ATP7B: variants seen among roughly 807,000 people sequenced by gnomAD.
ATP7B encodes copper-transporting ATPase 2.
In ATP7B, 113 loss-of-function variants were observed where a neutral mutation model predicts 118.9. That is an observed-to-expected ratio of 0.95 (90% confidence interval 0.82 to 1.11). The LOEUF is 1.11. ATP7B is among the 50% of genes most tolerant of loss of function. ATP7B has a pLI of 0.00. For synonymous variants in ATP7B, 777 were observed against 727.4 expected (o/e 1.07, Z -1.10); for missense variants, 1,867 against 1,871.4 (o/e 1.00, Z 0.04).
At chr13:51,952,322 C>T (rs1310193650) in intron 9 of ATP7B, among the ~76,000 whole-genome samples, 2 of 152,216 alleles carry the variant, frequency 1.3e-5, no homozygotes, top group East Asian at 3.8e-4. Context: ...GTAATACTGG[C>T]TCATGAGCTA....
At chr13:52,000,635 T>C (rs1461912336) in intron 1 of ATP7B, among the ~76,000 whole-genome samples, 2 of 152,198 alleles carry the variant, frequency 1.3e-5, no homozygotes, top group Non-Finnish European at 2.9e-5. Flanking sequence ...CATTCTGCCC[T>C]TCCCCTGCTG....
chr13:51,982,498 A>G (rs1952470313), intron 1 of ATP7B, among the ~76,000 whole-genome samples: 1 of 152,222 alleles, frequency 6.6e-6, no homozygotes, highest in Non-Finnish European at 1.5e-5. Context: ...ATGAGTTTTA[A>G]AAAACAAACA....
intron 1 of ATP7B, among the ~76,000 whole-genome samples, chr13:52,000,621 T>G (rs1479114069): frequency 6.6e-6 from 1 of 152,206 alleles, no homozygotes; most frequent in East Asian, 1.9e-4. Context: ...AACAGAGCTC[T>G]CAACATTCTG....
chr13:51,980,893 C>T, intron 1 of ATP7B, among the ~76,000 whole-genome samples: 1 of 152,130 alleles, frequency 6.6e-6, no homozygotes, highest in East Asian at 1.9e-4. Flanking sequence ...TATATCACCT[C>T]CCCCCATACA....
chr13:51,941,264 T>G (rs1481032439), intron 15 of ATP7B, 40 bp from the exon 16 acceptor site: 1 of 1,610,610 alleles, frequency 6.2e-7, no homozygotes. Flanking sequence ...AATGGTCCAA[T>G]TTCACTGTGA....
At chr13:51,951,912 A>G (rs1435252660) in intron 9 of ATP7B, among the ~76,000 whole-genome samples, 1 of 152,224 alleles carries the variant, frequency 6.6e-6, no homozygotes, top group Non-Finnish European at 1.5e-5. Flanking sequence ...AACACAAGCA[A>G]TGTTGGATTG....
At chr13:51,970,831 T>TGAGG in intron 2 of ATP7B, 82 bp from the exon 3 acceptor site, 5 of 1,468,368 alleles carry the variant, frequency 3.4e-6, no homozygotes, top group Non-Finnish European at 3.7e-6. Context: ...GGGCTCTTGG[T>TGAGG]GAGGGTTCAT....
intron 9 of ATP7B, 34 bp from the exon 10 acceptor site, chr13:51,950,433 A>T (rs1957927481): frequency 6.2e-7 from 1 of 1,612,536 alleles, no homozygotes; most frequent in South Asian, 1.1e-5. Flanking sequence ...TCACATGGCC[A>T]CTCATTCGGT....
At chr13:51,997,895 A>G (rs1182457368) in intron 1 of ATP7B, among the ~76,000 whole-genome samples, 1 of 152,136 alleles carries the variant, frequency 6.6e-6, no homozygotes, top group Non-Finnish European at 1.5e-5. Flanking sequence ...GGTGGGAAGA[A>G]GGCAAGTCTG....
intron 5 of ATP7B, among the ~76,000 whole-genome samples, chr13:51,963,835 AG>A (rs1958914881): frequency 6.6e-6 from 1 of 151,860 alleles, no homozygotes; most frequent in Non-Finnish European, 1.5e-5. Context: ...GGATCACCTA[AG>A]GTGTCAGGAG....
At chr13:51,989,047 A>G (rs960420146) in intron 1 of ATP7B, among the ~76,000 whole-genome samples, 9 of 152,276 alleles carry the variant, frequency 5.9e-5, no homozygotes, top group Non-Finnish European at 1.0e-4. Context: ...CCAGAACTTA[A>G]AGTATAATTT....
rs1415905860 is a variant in ATP7B at position 51,933,514 on chromosome 13, T to C, written c.*1242A>G. On this transcript the variant is annotated 3_prime_UTR_variant, in exon 21 of 21. Transcript: ENST00000242839. ...ACTAGTTTGCTCCCAAAGGGTTCTGTCAATCACAACCAACTTCAGAGTCTA... is the reference window on the plus strand; with the variant it reads ...ACTAGTTTGCTCCCAAAGGGTTCTGCCAATCACAACCAACTTCAGAGTCTA... 1 of 152,228 alleles carries C rather than the reference T, an allele frequency of 6.6e-6. No individual in the cohort carries two copies. The highest frequency in any genetic ancestry group is 1.5e-5 in the Non-Finnish European group (1 of 68,040). 9.4% of individuals were successfully genotyped at this position (152,228 alleles called of 1,614,324 possible). A position where few individuals can be genotyped will look rare whatever the true frequency, so the allele number is the denominator to read the frequency against.
chr13:51,974,257 C>G lies in ATP7B; in HGVS notation c.963G>C (p.Gly321=), dbSNP rs764749179. 6.2e-7 allele frequency: 1 copy of G among 1,614,098 alleles called. No individual in the cohort carries two copies. ...CATCAGGAAGAGAAACTTTAAAATT[C>G]CCAGGTGGAAGTGCCTCGATAGCCC... ...LQRAIEALPP[G]NFKVSLPDGA... is the part of the protein sequence containing the mutation. Residue 321 remains glycine, a synonymous_variant, in exon 2 of 21, where the codon GGG becomes GGC. Coordinates refer to ENST00000242839, the MANE Select transcript of ATP7B (RefSeq NM_000053.4).
At chr13:51,987,324 G>A (rs1952705326) in intron 1 of ATP7B, among the ~76,000 whole-genome samples, 1 of 152,258 alleles carries the variant, frequency 6.6e-6, no homozygotes, top group South Asian at 2.1e-4. Flanking sequence ...GCTACAAAGA[G>A]AATAAAATAC....
At chr13:51,955,876 T>C (rs903094701) in intron 9 of ATP7B, among the ~76,000 whole-genome samples, 2 of 152,014 alleles carry the variant, frequency 1.3e-5, no homozygotes, top group African/African-American at 4.8e-5. Context: ...CAGGGTCCTG[T>C]TTGGGGGCAG....
intron 12 of ATP7B, 91 bp from the exon 13 acceptor site, chr13:51,946,569 T>C (rs1957676846): frequency 9.7e-6 from 14 of 1,442,690 alleles, no homozygotes; most frequent in South Asian, 2.4e-5. Flanking sequence ...AGGGGGGCAC[T>C]GGACACAACG....
intron 4 of ATP7B, 69 bp downstream of exon 4, chr13:51,968,374 CA>C: frequency 6.2e-7 from 1 of 1,608,028 alleles, no homozygotes. Flanking sequence ...TTACTAATCA[CA>C]AAGATGGATG....
At chr13:51,999,176 G>A (rs75413185) in intron 1 of ATP7B, among the ~76,000 whole-genome samples, 485 of 152,314 alleles carry the variant, frequency 3.2e-3, no homozygotes, top group Admixed American at 7.7e-3. Flanking sequence ...CAGGAGAGGA[G>A]CACAAGACAC....
At chr13:51,967,948 C>T (rs1474735388) in intron 4 of ATP7B, among the ~76,000 whole-genome samples, 1 of 152,212 alleles carries the variant, frequency 6.6e-6, no homozygotes, top group African/African-American at 2.4e-5. Context: ...GGAGCATTCC[C>T]CTCAGACTGA....
Sources: gnomAD v4.1 joint callset for allele counts (sites outside exome capture counted in the v4.1 genomes callset) on GRCh38, gnomAD v4.1.1 for gene constraint, MANE v1.5 for transcripts, NCBI Gene and HGNC (gene_info 2026-07-23, HGNC 2026-07-21) for gene names.